The following ATRX variants were observed in gnomAD, a reference collection of about 807,000 sequenced individuals.
ATRX encodes chromatin remodeler ATRX.
ATRX carries 12 observed loss-of-function variants against 172.6 expected under a neutral mutation model. The observed-to-expected ratio is 0.07, with a 90% CI of 0.04 to 0.11. The LOEUF is 0.11. Among genes scored for constraint, ATRX ranks in the 10% least tolerant of loss-of-function variants. ATRX has a pLI of 1.00. For missense variants in ATRX, 1,368 were observed against 1,767.4 expected (o/e 0.77, Z 4.05); for synonymous variants, 674 against 594.7 (o/e 1.13, Z -1.94).
chrX:77,544,686 C>T (rs1466540647), intron 30 of ATRX, among the ~76,000 whole-genome samples: 4 of 108,204 alleles, frequency 3.7e-5, no homozygotes, highest in African/African-American at 1.3e-4. Context: ...TTTGTTCTTG[C>T]GATAGTTTAC....
intron 1 of ATRX, among the ~76,000 whole-genome samples, chrX:77,767,189 C>G (rs1194147659): frequency 9.4e-6 from 1 of 106,105 alleles, no homozygotes; most frequent in African/African-American, 3.4e-5. Flanking sequence ...AGCTTCGGCT[C>G]GGCATCAGAG....
chrX:77,557,750 T>G, intron 29 of ATRX, 105 bp from the exon 30 acceptor site: 2 of 684,564 alleles, frequency 2.9e-6, no homozygotes, highest in Non-Finnish European at 4.3e-6. Context: ...GGTAAAACTT[T>G]ATGGTAGTAT....
At chrX:77,769,039 T>C (rs781823904) in intron 1 of ATRX, among the ~76,000 whole-genome samples, 1 of 110,448 alleles carries the variant, frequency 9.1e-6, no homozygotes, top group African/African-American at 3.3e-5. Flanking sequence ...CAGACAAAAA[T>C]GGAAAAAGTA....
intron 15 of ATRX, among the ~76,000 whole-genome samples, chrX:77,643,082 C>T (rs2068734980): frequency 8.9e-6 from 1 of 112,139 alleles, no homozygotes; most frequent in African/African-American, 3.2e-5. Flanking sequence ...AAAGCAGCAG[C>T]ACCCTGTTTC....
intron 28 of ATRX, among the ~76,000 whole-genome samples, chrX:77,568,521 C>T (rs1207900141): frequency 8.9e-6 from 1 of 112,009 alleles, no homozygotes; most frequent in Non-Finnish European, 1.9e-5. Context: ...AAGGCCAGAA[C>T]TGGTTTCACT....
intron 1 of ATRX, among the ~76,000 whole-genome samples, chrX:77,763,843 G>A (rs1306676732): frequency 9.0e-6 from 1 of 111,421 alleles, no homozygotes; most frequent in Non-Finnish European, 1.9e-5. Context: ...CCTGGGCGCA[G>A]TGGTGCACAC....
intron 15 of ATRX, among the ~76,000 whole-genome samples, chrX:77,646,865 G>A (rs1360919828): frequency 9.2e-6 from 1 of 108,578 alleles, no homozygotes; most frequent in African/African-American, 3.4e-5. Context: ...CGAGGCTACA[G>A]TGAGCTATGA....
chrX:77,552,828 AGT>A (rs782207254), intron 30 of ATRX, among the ~76,000 whole-genome samples: 4 of 111,257 alleles, frequency 3.6e-5, no homozygotes, highest in Admixed American at 2.9e-4. Context: ...CTAAGGAGGA[AGT>A]GATGAAGCAG....
At chrX:77,530,714 A>AC (rs781844603) in intron 30 of ATRX, among the ~76,000 whole-genome samples, 1 of 111,503 alleles carries the variant, frequency 9.0e-6, no homozygotes, top group Admixed American at 9.5e-5. Flanking sequence ...GAGCAATCAA[A>AC]CCCCAAAGCT....
At chrX:77,676,622 C>T (rs911698953) in intron 9 of ATRX, among the ~76,000 whole-genome samples, 1 of 111,924 alleles carries the variant, frequency 8.9e-6, no homozygotes, top group Admixed American at 9.5e-5. Flanking sequence ...CAATAACCTT[C>T]GTACTGGTCC....
At chrX:77,780,328 ATTTGTT>A (rs781942143) in intron 1 of ATRX, among the ~76,000 whole-genome samples, 1,127 of 110,342 alleles carry the variant, frequency 0.01, 9 homozygotes, top group Non-Finnish European at 0.017. Flanking sequence ...TTTTTTGCTT[ATTTGTT>A]TTTGTTTTTG....
chrX:77,772,070 G>A (rs782154057), intron 1 of ATRX, among the ~76,000 whole-genome samples: 7 of 111,216 alleles, frequency 6.3e-5, no homozygotes, highest in South Asian at 3.7e-4. Flanking sequence ...CGAGGCGGGC[G>A]GATCACCTGA....
At chrX:77,663,993 C>T (rs45475193) in intron 11 of ATRX, among the ~76,000 whole-genome samples, 1 of 108,548 alleles carries the variant, frequency 9.2e-6, no homozygotes, top group African/African-American at 3.3e-5. Context: ...TCCAGCTACT[C>T]GGGAGGCTGA....
chrX:77,522,174 T>G, intron 32 of ATRX, 89 bp downstream of exon 32: 2 of 1,116,162 alleles, frequency 1.8e-6, no homozygotes, highest in Non-Finnish European at 2.5e-6. Context: ...TTGGAGAATG[T>G]GATATTTCTG....
chrX:77,784,725 A>C (rs1438340877), intron 1 of ATRX, among the ~76,000 whole-genome samples: 1 of 112,285 alleles, frequency 8.9e-6, no homozygotes, highest in African/African-American at 3.2e-5. Flanking sequence ...CCCAAGGTAA[A>C]GAAAATATAA....
intron 1 of ATRX, among the ~76,000 whole-genome samples, chrX:77,739,621 A>T (rs1374022892): frequency 2.7e-5 from 3 of 110,820 alleles, no homozygotes; most frequent in African/African-American, 9.8e-5. Context: ...AAAACATCCA[A>T]TTGAAAGCAG....
intron 12 of ATRX, among the ~76,000 whole-genome samples, chrX:77,658,210 C>CA (rs1380450251): frequency 5.5e-5 from 6 of 109,338 alleles, no homozygotes; most frequent in East Asian, 2.8e-4. Context: ...GGTCTTCTCT[C>CA]AAAAAAAAAG....
At chrX:77,617,732 T>TA (rs1246193121) in intron 21 of ATRX, among the ~76,000 whole-genome samples, 1 of 110,888 alleles carries the variant, frequency 9.0e-6, no homozygotes, top group African/African-American at 3.3e-5. Context: ...TTCTTTTTTT[T>TA]AAGAGACAGG....
intron 1 of ATRX, among the ~76,000 whole-genome samples, chrX:77,764,262 T>C (rs1421408473): frequency 1.8e-5 from 2 of 112,387 alleles, no homozygotes; most frequent in Non-Finnish European, 3.8e-5. Flanking sequence ...TGTAGAAACA[T>C]ACTGATCCTT....
Sources: gnomAD v4.1 joint callset for allele counts (sites outside exome capture counted in the v4.1 genomes callset) on GRCh38, gnomAD v4.1.1 for gene constraint, MANE v1.5 for transcripts, NCBI Gene and HGNC (gene_info 2026-07-23, HGNC 2026-07-21) for gene names.